The following BMPR1B variants were observed in gnomAD, a reference collection of about 807,000 sequenced individuals.
BMPR1B encodes bone morphogenetic protein receptor type-1B.
BMPR1B carries 12 observed loss-of-function variants against 59.1 expected under a neutral mutation model. The observed-to-expected ratio is 0.20, with a 90% confidence interval of 0.13 to 0.33. BMPR1B has a LOEUF of 0.33. Ranked by LOEUF, BMPR1B falls within the 10% of genes least tolerant of loss-of-function variation. The pLI, the probability that BMPR1B is intolerant of heterozygous loss-of-function variation, is 1.00. For missense variants in BMPR1B, 550 were observed against 610.9 expected (o/e 0.90, Z 1.05); for synonymous variants, 237 against 207.3 (o/e 1.14, Z -1.23).
intron 1 of BMPR1B, among the ~76,000 whole-genome samples, chr4:94,780,951 G>A (rs1722566729): frequency 6.6e-6 from 1 of 152,032 alleles, no homozygotes; most frequent in Non-Finnish European, 1.5e-5. Context: ...GCCTCCCAAA[G>A]TTCTGGGATT....
At chr4:95,092,469 G>A (rs903384973) in intron 3 of BMPR1B, among the ~76,000 whole-genome samples, 22 of 151,906 alleles carry the variant, frequency 1.4e-4, no homozygotes, top group African/African-American at 5.1e-4. Flanking sequence ...TTTATTCCTG[G>A]TGATCATTAT....
chr4:95,046,574 C>T (rs1726076314), intron 3 of BMPR1B, among the ~76,000 whole-genome samples: 1 of 152,158 alleles, frequency 6.6e-6, no homozygotes, highest in African/African-American at 2.4e-5. Flanking sequence ...TTCTACTGTA[C>T]AGCAAAGACT....
intron 4 of BMPR1B, among the ~76,000 whole-genome samples, chr4:95,114,059 C>T (rs1005808233): frequency 5.3e-5 from 8 of 152,106 alleles, no homozygotes; most frequent in African/African-American, 1.9e-4. Context: ...GCCTATACTT[C>T]TTACAACAAA....
intron 4 of BMPR1B, among the ~76,000 whole-genome samples, chr4:95,105,999 C>G (rs1731175168): frequency 6.6e-6 from 1 of 151,910 alleles, no homozygotes. Flanking sequence ...ATATTTTGTC[C>G]TGTTTTCCTG....
chr4:94,844,542 C>T (rs1024854807), intron 1 of BMPR1B, among the ~76,000 whole-genome samples: 3 of 152,030 alleles, frequency 2.0e-5, no homozygotes, highest in Non-Finnish European at 4.4e-5. Context: ...CCAAGTCATT[C>T]CCCACCTGCC....
intron 1 of BMPR1B, among the ~76,000 whole-genome samples, chr4:94,872,551 G>T (rs1216877277): frequency 2.0e-5 from 3 of 152,128 alleles, no homozygotes; most frequent in Non-Finnish European, 4.4e-5. Context: ...TGATGAATCT[G>T]CTGGGTTTTT....
At chr4:94,892,552 G>A (rs1727440701) in intron 2 of BMPR1B, among the ~76,000 whole-genome samples, 1 of 151,972 alleles carries the variant, frequency 6.6e-6, no homozygotes, top group Non-Finnish European at 1.5e-5. Context: ...ACCAAAAAAA[G>A]GGTAATATTT....
In BMPR1B at chr4:94,899,518, G is replaced by A. The variant is rs147306240; in HGVS notation, c.-113+23618G>A. Among the ~76,000 whole-genome samples, 540 of 149,842 alleles carry A rather than the reference G, an allele frequency of 3.6e-3. 9 individuals carry two copies. Among genetic ancestry groups the A allele is most frequent in the Non-Finnish European group, 2.6e-3 (173 of 67,510 alleles). On this transcript the variant is annotated intron_variant, in intron 2 of 12. Coordinates refer to ENST00000515059, the MANE Select transcript of BMPR1B (RefSeq NM_001203.3). Reference sequence around the variant, plus strand: ...TATATATGATTTATATGACACTTCTGGGAAATTATATGGTTGAATATGAAG... The same window carrying A: ...TATATATGATTTATATGACACTTCTAGGAAATTATATGGTTGAATATGAAG...
chr4:95,107,747 G>C (rs144298920), intron 4 of BMPR1B, among the ~76,000 whole-genome samples: 4 of 152,192 alleles, frequency 2.6e-5, no homozygotes, highest in African/African-American at 9.6e-5. Context: ...GGACTCCAAA[G>C]TCCTGAATTC....
intron 2 of BMPR1B, among the ~76,000 whole-genome samples, chr4:94,994,363 C>A (rs1721929978): frequency 6.6e-6 from 1 of 152,198 alleles, no homozygotes; most frequent in Admixed American, 6.5e-5. Context: ...TTGTGTTATT[C>A]TTCCCTTTGC....
intron 10 of BMPR1B, among the ~76,000 whole-genome samples, chr4:95,145,295 G>A (rs530079791): frequency 1.3e-4 from 20 of 152,202 alleles, no homozygotes; most frequent in East Asian, 7.7e-4. Context: ...GGATTATTGC[G>A]TGGGGTTGGA....
At chr4:95,139,083 A>G (rs1734021194) in intron 10 of BMPR1B, among the ~76,000 whole-genome samples, 1 of 152,074 alleles carries the variant, frequency 6.6e-6, no homozygotes, top group Non-Finnish European at 1.5e-5. Flanking sequence ...TGATGTACAG[A>G]TGGGGTTTTG....
At chr4:95,030,097 C>A (rs1724718139) in intron 3 of BMPR1B, among the ~76,000 whole-genome samples, 1 of 151,564 alleles carries the variant, frequency 6.6e-6, no homozygotes, top group Non-Finnish European at 1.5e-5. Flanking sequence ...GTTTCTTTTG[C>A]TGTGCAGAAG....
At position 95,144,478 on chromosome 4, in the gene BMPR1B, CTT is replaced by C. The variant is rs33917101; in HGVS notation, c.1077-4259_1077-4258del. Among the ~76,000 whole-genome samples the C allele has an allele frequency of 4.2e-3, 624 of 149,646 alleles. 5 individuals carry two copies. Among genetic ancestry groups the C allele is most frequent in the South Asian group, 0.023 (109 of 4,734 alleles). On this transcript the variant is annotated intron_variant, in intron 10 of 12. Coordinates refer to ENST00000515059, the MANE Select transcript of BMPR1B (RefSeq NM_001203.3). ...ACAGGCATGAACCACCACACCAGGC[CTT>C]TTTTTTTTTTAAAAAAAATACTCAT... is the stretch of plus-strand genomic sequence containing the variant.
intron 10 of BMPR1B, among the ~76,000 whole-genome samples, chr4:95,135,437 A>C (rs1045472751): frequency 6.6e-6 from 1 of 152,090 alleles, no homozygotes; most frequent in Non-Finnish European, 1.5e-5. Flanking sequence ...CATTGAATCT[A>C]TAAATTACCT....
At chr4:94,804,234 G>T (rs1723519781) in intron 1 of BMPR1B, among the ~76,000 whole-genome samples, 1 of 152,136 alleles carries the variant, frequency 6.6e-6, no homozygotes, top group South Asian at 2.1e-4. Flanking sequence ...AGATAACATT[G>T]ACCCAGTTCC....
chr4:94,908,608 C>A (rs959240085), intron 2 of BMPR1B, among the ~76,000 whole-genome samples: 5 of 151,690 alleles, frequency 3.3e-5, no homozygotes, highest in Non-Finnish European at 7.4e-5. Flanking sequence ...TAATGATTCC[C>A]CAGTTTTTAA....
At chr4:94,954,440 G>A (rs1208912154) in intron 2 of BMPR1B, among the ~76,000 whole-genome samples, 1 of 152,132 alleles carries the variant, frequency 6.6e-6, no homozygotes, top group African/African-American at 2.4e-5. Context: ...ATATCATTAA[G>A]GCTGCCACAT....
intron 4 of BMPR1B, among the ~76,000 whole-genome samples, chr4:95,111,646 C>G (rs994759359): frequency 6.6e-6 from 1 of 151,998 alleles, no homozygotes; most frequent in African/African-American, 2.4e-5. Flanking sequence ...CGCTTGGTCC[C>G]TTGAAGTTTT....
Sources: allele counts gnomAD v4.1 joint callset (sites outside exome capture counted in the v4.1 genomes callset), GRCh38; gene constraint gnomAD v4.1.1; transcripts MANE v1.5; gene names NCBI Gene and HGNC (gene_info 2026-07-23, HGNC 2026-07-21).